Variants in SYBU observed in about 807,000 individuals in gnomAD.
SYBU encodes the protein syntabulin, also known as GOLSYN A protein.
A neutral mutation model predicts 35.9 loss-of-function variants in SYBU; 21 were observed. The observed-to-expected ratio is 0.58, with a 90% CI of 0.41 to 0.84. SYBU has a LOEUF of 0.84. Among genes scored for constraint, SYBU ranks in the 40% least tolerant of loss-of-function variants. SYBU has a pLI of 0.00. For missense variants in SYBU, 768 were observed against 848.2 expected (o/e 0.91, Z 1.17); for synonymous variants, 319 against 324.3 (o/e 0.98, Z 0.18).
intron 3 of SYBU, chr8:109,603,298 A>C: frequency 1.6e-6 from 1 of 612,180 alleles, no homozygotes; most frequent in Non-Finnish European, 2.0e-6. Context: ...CCTTCCAAAA[A>C]CATTTTCTAC....
intron 1 of SYBU, among the ~76,000 whole-genome samples, chr8:109,670,553 G>A (rs933835673): frequency 5.9e-5 from 9 of 151,846 alleles, no homozygotes; most frequent in African/African-American, 1.9e-4. Context: ...TTACTGTGAC[G>A]TTTTTCCTAT....
intron 1 of SYBU, chr8:109,643,147 GCACACACA>G (rs35325438): frequency 5.9e-5 from 67 of 1,141,338 alleles, no homozygotes; most frequent in East Asian, 5.1e-4. Context: ...TGTCTGTGTG[GCACACACA>G]CACACACACA....
chr8:109,683,801 G>T (rs955915136), upstream of SYBU, among the ~76,000 whole-genome samples: 1 of 152,108 alleles, frequency 6.6e-6, no homozygotes, highest in South Asian at 2.1e-4. Context: ...ATTGAATCAT[G>T]GGAGCAGTTA....
At chr8:109,643,124 A>T in intron 1 of SYBU, 192 bp from the exon 2 acceptor site, 1 of 1,319,504 alleles carries the variant, frequency 7.6e-7, no homozygotes, top group Non-Finnish European at 9.6e-7. Flanking sequence ...TTTCTAATCT[A>T]CTGAATAGCA....
chr8:109,609,833 T>C (rs1810969968), intron 3 of SYBU, among the ~76,000 whole-genome samples: 1 of 152,184 alleles, frequency 6.6e-6, no homozygotes, highest in Non-Finnish European at 1.5e-5. Flanking sequence ...ATATATTTAC[T>C]GTCTCCCTAT....
chr8:109,667,204 C>T (rs568397369), intron 1 of SYBU, among the ~76,000 whole-genome samples: 12 of 151,658 alleles, frequency 7.9e-5, no homozygotes, highest in Non-Finnish European at 1.6e-4. Context: ...GAAACCTCCA[C>T]CTCCCGGGTT....
In SYBU at chr8:109,575,442, G is replaced by C. The variant is rs779784998; in HGVS notation, c.1456C>G (p.Arg486Gly). 4 of 1,613,868 alleles carry C rather than the reference G, an allele frequency of 2.5e-6. No individual in the cohort carries two copies. In the African/African-American group the frequency reaches 5.3e-5, roughly 22 times the overall value. The part of the protein sequence containing the change: ...GQEEGSVVVE[R>G]AVQTDVVPYS... ...GGCACCACGTCGGTCTGAACGGCTC[G>C]CTCCACCACCACACTGCCCTCCTCC... The change falls in exon 7 of 7, where the codon CGA becomes GGA. Residue 486 changes from arginine (R) to glycine (G), a missense_variant. Coordinates refer to ENST00000276646, the MANE Select transcript of SYBU (RefSeq NM_001099754.2).
intron 2 of SYBU, among the ~76,000 whole-genome samples, chr8:109,642,274 C>A (rs1305149337): frequency 6.6e-6 from 1 of 150,938 alleles, no homozygotes; most frequent in Non-Finnish European, 1.5e-5. Context: ...GGGAGGGGAA[C>A]ATCACATACC....
In SYBU at chr8:109,575,925, A is replaced by G. The variant is rs565611782; in HGVS notation, c.973T>C (p.Leu325=). 5.0e-6 allele frequency: 8 copies of G among 1,613,710 alleles called. No homozygotes were observed. Among genetic ancestry groups the G allele is most frequent in the African/African-American group, 2.7e-5 (2 of 74,948 alleles). ...EEECHRVEAQ[L]ALKEARKEIK... ...TCTTTCCTGGCTTCTTTGAGTGCCA[A>G]CTGGGCCTCTACCCGGTGACACTCC... Residue 325 remains leucine (L), a synonymous_variant, in exon 7 of 7, where the codon TTG becomes CTG. Coordinates refer to ENST00000276646, the MANE Select transcript of SYBU (RefSeq NM_001099754.2).
At chr8:109,613,833 T>C (rs1021060509) in intron 3 of SYBU, among the ~76,000 whole-genome samples, 1 of 152,134 alleles carries the variant, frequency 6.6e-6, no homozygotes, top group Admixed American at 6.5e-5. Context: ...GCCTTTTGAG[T>C]TTTCTAGCAA....
At chr8:109,623,132 TG>T (rs1812623636) in intron 2 of SYBU, among the ~76,000 whole-genome samples, 1 of 152,170 alleles carries the variant, frequency 6.6e-6, no homozygotes, top group Non-Finnish European at 1.5e-5. Context: ...CTAAAAAACA[TG>T]GGATCACTTT....
chr8:109,593,470 A>G (rs187109745), intron 3 of SYBU, among the ~76,000 whole-genome samples: 6 of 152,316 alleles, frequency 3.9e-5, no homozygotes, highest in Admixed American at 3.9e-4. Flanking sequence ...CAGAATGTAC[A>G]TAAGGCACAG....
chr8:109,643,681 A>T (rs984087836), intron 1 of SYBU: 1 of 158,140 alleles, frequency 6.3e-6, no homozygotes, highest in African/African-American at 2.4e-5. Flanking sequence ...AAAATGCGTA[A>T]CAGTAATATT....
At chr8:109,676,783 A>C (rs1817206330) in intron 1 of SYBU, among the ~76,000 whole-genome samples, 1 of 152,226 alleles carries the variant, frequency 6.6e-6, no homozygotes, top group Admixed American at 6.5e-5. Flanking sequence ...TATGATTAAA[A>C]ATGACTTAAA....
At chr8:109,638,039 A>G (rs941001762) in intron 2 of SYBU, among the ~76,000 whole-genome samples, 5 of 152,200 alleles carry the variant, frequency 3.3e-5, no homozygotes, top group Admixed American at 1.3e-4. Context: ...TTGCCTGTGT[A>G]TCTGTGTGTG....
chr8:109,613,382 T>A (rs1053211517), intron 3 of SYBU, among the ~76,000 whole-genome samples: 1 of 152,138 alleles, frequency 6.6e-6, no homozygotes, highest in African/African-American at 2.4e-5. Flanking sequence ...TTTCACCTAT[T>A]TCATATTTTC....
chr8:109,658,788 T>C (rs933459276), intron 1 of SYBU, among the ~76,000 whole-genome samples: 4 of 152,098 alleles, frequency 2.6e-5, no homozygotes, highest in Non-Finnish European at 5.9e-5. Context: ...ACCCCATCTC[T>C]ATGAAAAATA....
intron 3 of SYBU, among the ~76,000 whole-genome samples, chr8:109,603,088 G>A (rs534123904): frequency 5.3e-5 from 8 of 152,318 alleles, no homozygotes; most frequent in South Asian, 4.1e-4. Context: ...CCCAGTGTCC[G>A]CCCCAGGAGG....
chr8:109,581,479 C>A (rs548485205), intron 4 of SYBU, among the ~76,000 whole-genome samples: 1 of 152,322 alleles, frequency 6.6e-6, no homozygotes, highest in South Asian at 2.1e-4. Context: ...TAAACTTGTT[C>A]AAACTTCACC....
Sources: allele counts gnomAD v4.1 joint callset (sites outside exome capture counted in the v4.1 genomes callset), GRCh38; gene constraint gnomAD v4.1.1; transcripts MANE v1.5; gene names NCBI Gene and HGNC (gene_info 2026-07-23, HGNC 2026-07-21).